Variants in RIN2 observed in about 807,000 individuals in gnomAD.
RIN2 encodes Ras and Rab interactor 2.
Under a neutral mutation model 78.0 loss-of-function variants are expected in RIN2, and 36 were observed. The ratio of observed to expected loss-of-function variants is 0.46; its 90% CI spans 0.35 to 0.61. RIN2 has a LOEUF of 0.61. Ranked by LOEUF, RIN2 falls within the 20% of genes least tolerant of loss-of-function variation. RIN2 has a pLI of 0.00. For synonymous variants in RIN2, 466 were observed against 466.8 expected, an observed-to-expected ratio of 1.00 and a Z score of 0.02; for missense variants, 1,087 against 1,159.7, an observed-to-expected ratio of 0.94 and a Z score of 0.91.
intron 4 of RIN2, among the ~76,000 whole-genome samples, chr20:19,950,748 T>G (rs925785247): frequency 6.6e-6 from 1 of 152,164 alleles, no homozygotes; most frequent in African/African-American, 2.4e-5. Context: ...TCTTGCTCTG[T>G]CACCCAGGCT....
intron 3 of RIN2, among the ~76,000 whole-genome samples, chr20:19,898,893 A>G (rs865852040): frequency 3.9e-5 from 6 of 152,238 alleles, no homozygotes; most frequent in Non-Finnish European, 8.8e-5. Context: ...AAGCAGAAAT[A>G]CAAACTGGAA....
At chr20:19,825,414 A>G (rs1210068409) in intron 2 of RIN2, among the ~76,000 whole-genome samples, 2 of 152,176 alleles carry the variant, frequency 1.3e-5, no homozygotes, top group Non-Finnish European at 2.9e-5. Flanking sequence ...AGCCAGGCAG[A>G]TGGAGCCTCG....
upstream of RIN2, chr20:19,757,994 G>C (rs1185419726): frequency 1.3e-5 from 2 of 152,378 alleles, no homozygotes; most frequent in Non-Finnish European, 2.9e-5. Flanking sequence ...TACAGGGAAT[G>C]GAGGGATGGG....
At position 19,783,810 on chromosome 20, in the gene RIN2, C is replaced by G. The variant is rs541808703; in HGVS notation, c.-162-15812C>G. On this transcript the variant is annotated intron_variant, in intron 1 of 12. Coordinates refer to ENST00000255006, the MANE Select transcript of RIN2 (RefSeq NM_018993.4). ...TGCAGGGCAGGTGTTCACACTCGCTCTCATCAGTTGTAGATTGAGGGCTAC... is the reference window on the plus strand; with the variant it reads ...TGCAGGGCAGGTGTTCACACTCGCTGTCATCAGTTGTAGATTGAGGGCTAC... 2.0e-5 allele frequency among the ~76,000 whole-genome samples: 3 copies of G among 152,252 alleles called. No individual in the cohort carries two copies. The South Asian group carries it at 6.2e-4, about 32-fold the overall frequency.
chr20:19,954,721 C>T (rs375395), intron 4 of RIN2, among the ~76,000 whole-genome samples: 2 of 151,622 alleles, frequency 1.3e-5, no homozygotes, highest in Admixed American at 1.3e-4. Context: ...CTGTGTCCCT[C>T]ACCCCTGTGC....
At chr20:19,992,546 A>G (rs1010657435) in intron 11 of RIN2, among the ~76,000 whole-genome samples, 10 of 152,286 alleles carry the variant, frequency 6.6e-5, no homozygotes, top group South Asian at 2.1e-4. Flanking sequence ...TTAAGTGTTA[A>G]CTGAATTTTT....
At chr20:19,983,162 C>A (rs1173519422) in intron 9 of RIN2, among the ~76,000 whole-genome samples, 1 of 152,196 alleles carries the variant, frequency 6.6e-6, no homozygotes. Context: ...ACATACTGAG[C>A]TTTCACTCAA....
At chr20:19,758,070 C>T (rs1048206830), upstream of RIN2, 3 of 152,436 alleles carry the variant, frequency 2.0e-5, no homozygotes, top group African/African-American at 7.2e-5. Flanking sequence ...GCCCCATCTC[C>T]TCTGCGAGCT....
intron 3 of RIN2, among the ~76,000 whole-genome samples, chr20:19,907,984 G>T (rs2039291318): frequency 6.6e-6 from 1 of 152,162 alleles, no homozygotes; most frequent in Non-Finnish European, 1.5e-5. Context: ...CATCAAGAAG[G>T]CCCCTCCTTA....
chr20:19,777,875 A>G (rs1033810564), intron 1 of RIN2, among the ~76,000 whole-genome samples: 1 of 152,220 alleles, frequency 6.6e-6, no homozygotes, highest in Non-Finnish European at 1.5e-5. Context: ...GGAGCCACCA[A>G]AATGTAATTG....
chr20:19,860,838 T>C (rs1271704771), intron 2 of RIN2, among the ~76,000 whole-genome samples: 3 of 152,156 alleles, frequency 2.0e-5, no homozygotes, highest in Non-Finnish European at 4.4e-5. Flanking sequence ...CTGATTCACC[T>C]TTACATCCCC....
In RIN2 at chr20:19,889,580, C is replaced by G; in HGVS notation, c.-22C>G. 1 of 1,549,790 alleles carries G rather than the reference C, an allele frequency of 6.5e-7. No homozygotes were observed. The highest frequency in any genetic ancestry group is 8.7e-7 in the Non-Finnish European group (1 of 1,145,882). On this transcript the variant is annotated 5_prime_UTR_variant, in exon 3 of 13. Transcript: ENST00000255006. ...TCTACCTTCAGGAGTCCCCGGCGTG[C>G]AGTGGAGCCTCGCTGGGGGAAATGA...
At chr20:19,779,872 C>T (rs749276164) in intron 1 of RIN2, among the ~76,000 whole-genome samples, 1 of 152,084 alleles carries the variant, frequency 6.6e-6, no homozygotes, top group African/African-American at 2.4e-5. Context: ...ATACATGAAA[C>T]CTGTGGTTTG....
In RIN2 at chr20:19,975,582, C is replaced by A. The variant is rs372947881; in HGVS notation, c.1557C>A (p.Ala519=). The change falls in exon 9 of 13, where the codon GCC becomes GCA. Residue 519 remains alanine, a synonymous_variant. Coordinates refer to ENST00000255006, the MANE Select transcript of RIN2 (RefSeq NM_018993.4). This position sits in a 1 kb window ranked among gnomAD's most constrained non-coding sequence, Gnocchi z 4.9. ...AGAAGCGGATGGTCCGCAGGATCGC[C>A]GAGCTTTCCCGGGACAAATGCACCT... The part of the protein sequence containing the change: ...TPEKRMVRRI[A]ELSRDKCTYF... 6.2e-7 allele frequency: 1 copy of A among 1,613,990 alleles called. No individual in the cohort carries two copies. The highest frequency in any genetic ancestry group is 1.1e-5 in the South Asian group (1 of 91,084).
intron 2 of RIN2, among the ~76,000 whole-genome samples, chr20:19,869,831 T>TTGATTG (rs1568558785): frequency 1.8e-3 from 269 of 151,362 alleles, no homozygotes; most frequent in African/African-American, 6.3e-3. Context: ...TTTATTTATT[T>TTGATTG]ATTGTAGAGA....
intron 1 of RIN2, among the ~76,000 whole-genome samples, chr20:19,767,451 G>A (rs2033933325): frequency 2.0e-5 from 3 of 152,142 alleles, no homozygotes; most frequent in Admixed American, 2.0e-4. Context: ...GGGGAAAAGA[G>A]GTTATGGGTC....
At chr20:19,919,766 A>C (rs1367976676) in intron 3 of RIN2, among the ~76,000 whole-genome samples, 1 of 152,170 alleles carries the variant, frequency 6.6e-6, no homozygotes, top group Non-Finnish European at 1.5e-5. Flanking sequence ...AGATCATGCC[A>C]CTGCACTCCA....
intron 9 of RIN2, among the ~76,000 whole-genome samples, chr20:19,986,572 C>A (rs6035504): frequency 1.3e-5 from 2 of 151,964 alleles, no homozygotes; most frequent in South Asian, 2.1e-4. Flanking sequence ...GCCAGCACCC[C>A]TCCCTGGCAG....
At chr20:19,875,698 T>G (rs2037835080) in intron 2 of RIN2, among the ~76,000 whole-genome samples, 2 of 152,006 alleles carry the variant, frequency 1.3e-5, no homozygotes, top group Non-Finnish European at 2.9e-5. Flanking sequence ...GCCTGCAGGA[T>G]GGAATGAAAC....
Sources: gnomAD v4.1 joint callset for allele counts (sites outside exome capture counted in the v4.1 genomes callset) on GRCh38, gnomAD v4.1.1 for gene constraint, Gnocchi (gnomAD v3.1) non-coding constraint, MANE v1.5 for transcripts, NCBI Gene and HGNC (gene_info 2026-07-23, HGNC 2026-07-21) for gene names.